Variants in ZBBX observed in about 807,000 individuals in gnomAD.
The protein encoded by ZBBX is zinc finger B-box domain containing, also known as zinc finger B-box domain-containing protein 1.
ZBBX carries 101 observed loss-of-function variants against 108.5 expected under a neutral mutation model. That is an observed-to-expected ratio of 0.93 (90% CI 0.79 to 1.10). The LOEUF is 1.10. ZBBX is among the 50% of genes least tolerant of loss of function. The pLI is 0.00. For missense variants in ZBBX, 1,009 were observed against 941.4 expected (o/e 1.07, Z -0.94); for synonymous variants, 356 against 323.4 (o/e 1.10, Z -1.08).
At chr3:167,279,341 G>A (rs1320096753) in intron 20 of ZBBX, among the ~76,000 whole-genome samples, 1 of 151,562 alleles carries the variant, frequency 6.6e-6, no homozygotes, top group Non-Finnish European at 1.5e-5. Context: ...TGTATATCTA[G>A]AAAACCCCAT....
At chr3:167,361,743 T>A (rs2108547044) in intron 6 of ZBBX, among the ~76,000 whole-genome samples, 1 of 152,356 alleles carries the variant, frequency 6.6e-6, no homozygotes, top group South Asian at 2.1e-4. Flanking sequence ...TTTAAATTGC[T>A]AATGTTATAC....
the ZBBX span, among the ~76,000 whole-genome samples, chr3:167,194,896 A>T: frequency 6.6e-6 from 1 of 152,148 alleles, no homozygotes; most frequent in Non-Finnish European, 1.5e-5. Flanking sequence ...GGCTCAGTGT[A>T]TTCTCTTTCA....
the ZBBX span, among the ~76,000 whole-genome samples, chr3:167,204,673 G>T: frequency 3.3e-5 from 5 of 150,012 alleles, no homozygotes; most frequent in Non-Finnish European, 7.4e-5. Context: ...CCAAGTCTTT[G>T]CTATTGTGAA....
At chr3:167,248,144 C>T (rs1721919126) in intron 20 of ZBBX, among the ~76,000 whole-genome samples, 1 of 152,180 alleles carries the variant, frequency 6.6e-6, no homozygotes, top group Non-Finnish European at 1.5e-5. Context: ...CTCAGGGCAC[C>T]TCTTCTTACC....
At chr3:167,348,369 A>AAAGAAAGAAAG (rs759038070) in intron 9 of ZBBX, among the ~76,000 whole-genome samples, 1 of 140,562 alleles carries the variant, frequency 7.1e-6, no homozygotes, top group Non-Finnish European at 1.6e-5. Context: ...AGAAAGAAAG[A>AAAGAAAGAAAG]AAAAAAAGAA....
At chr3:167,351,520 G>A (rs542998839) in intron 8 of ZBBX, among the ~76,000 whole-genome samples, 189 of 152,270 alleles carry the variant, frequency 1.2e-3, no homozygotes, top group Admixed American at 3.1e-3. Context: ...TGGACCCAGG[G>A]AAGGAGTAAG....
chr3:167,367,230 C>T (rs77139449), intron 5 of ZBBX, among the ~76,000 whole-genome samples: 2 of 151,768 alleles, frequency 1.3e-5, no homozygotes, highest in African/African-American at 4.8e-5. Flanking sequence ...GAACTTTTGA[C>T]ACCTATTTGG....
intron 9 of ZBBX, among the ~76,000 whole-genome samples, chr3:167,343,870 A>G (rs1448440198): frequency 2.0e-5 from 3 of 151,970 alleles, no homozygotes; most frequent in African/African-American, 7.2e-5. Flanking sequence ...ACCAGTAGGT[A>G]TCTAGCCAAG....
intron 1 of ZBBX, among the ~76,000 whole-genome samples, chr3:167,389,701 G>A (rs766495331): frequency 1.3e-5 from 2 of 152,058 alleles, no homozygotes; most frequent in Non-Finnish European, 2.9e-5. Flanking sequence ...TCTCATTGTG[G>A]TTTTGATTTG....
intron 8 of ZBBX, among the ~76,000 whole-genome samples, chr3:167,355,947 T>C (rs1743495446): frequency 6.6e-6 from 1 of 152,094 alleles, no homozygotes; most frequent in African/African-American, 2.4e-5. Flanking sequence ...AGGCACCTGC[T>C]GCTTATCTTG....
chr3:167,346,044 T>C (rs1013080941), intron 9 of ZBBX, among the ~76,000 whole-genome samples: 1 of 151,872 alleles, frequency 6.6e-6, no homozygotes. Context: ...TCCCTCATCT[T>C]CTATTCTCTC....
chr3:167,369,595 A>C (rs1474304421), intron 4 of ZBBX, among the ~76,000 whole-genome samples: 1 of 152,234 alleles, frequency 6.6e-6, no homozygotes, highest in African/African-American at 2.4e-5. Flanking sequence ...TACTACCTCA[A>C]ACAAACACTG....
chr3:167,209,176 T>C, the ZBBX span, among the ~76,000 whole-genome samples: 1 of 148,106 alleles, frequency 6.8e-6, no homozygotes, highest in African/African-American at 2.4e-5. Context: ...TTCCTAAGGT[T>C]TCTGACTTCA....
In ZBBX at chr3:167,268,645, C is replaced by A. The variant is rs928263467; in HGVS notation, c.2254+13593G>T. Among the ~76,000 whole-genome samples, 5 of 152,064 alleles carry A rather than the reference C, an allele frequency of 3.3e-5. No homozygotes were observed. In the East Asian group the frequency reaches 7.7e-4, roughly 24 times the overall value. ...AATATTCAGGCCTAAACTTAGAAGA[C>A]CCCCTTGGACAAGGAATGTTAAAAC... On this transcript the variant is annotated intron_variant, in intron 20 of 21. Coordinates refer to ENST00000675490, the MANE Select transcript of ZBBX (RefSeq NM_001199201.2).
chr3:167,368,335 G>GT (rs1237967952), intron 5 of ZBBX, 126 bp downstream of exon 5: 1 of 695,898 alleles, frequency 1.4e-6, no homozygotes, highest in Non-Finnish European at 2.3e-6. Context: ...GCTATTGCTC[G>GT]TTCATCAGGA....
chr3:167,296,871 C>A (rs903215258), intron 18 of ZBBX, among the ~76,000 whole-genome samples: 9 of 151,816 alleles, frequency 5.9e-5, no homozygotes. Flanking sequence ...AATAAAAAAA[C>A]CCATCATAAA....
intron 20 of ZBBX, among the ~76,000 whole-genome samples, chr3:167,260,391 C>T (rs530802871): frequency 1.7e-4 from 26 of 152,220 alleles, no homozygotes; most frequent in African/African-American, 3.1e-4. Context: ...CTAGGAAGGC[C>T]GGGAAGTTTT....
the ZBBX span, among the ~76,000 whole-genome samples, chr3:167,225,117 G>A: frequency 1.3e-4 from 19 of 151,812 alleles, no homozygotes; most frequent in African/African-American, 4.6e-4. Context: ...CAACAAGTTA[G>A]AGAAACTGTG....
In ZBBX at chr3:167,305,827, T is replaced by C; in HGVS notation, c.1541A>G (p.Glu514Gly). 6.2e-7 allele frequency: 1 copy of C among 1,612,208 alleles called. No individual in the cohort carries two copies. The highest frequency in any genetic ancestry group is 8.5e-7 in the Non-Finnish European group (1 of 1,179,156). Reference protein sequence around the residue: ...RNLKEKNIGLESNQKSDDSCV... With the variant: ...RNLKEKNIGLGSNQKSDDSCV... Reference sequence around the variant, plus strand: ...GGAATCATCAGACTTTTGATTACTTTCTAAACCTATATTTTTCTCCTTTAA... The same window carrying C: ...GGAATCATCAGACTTTTGATTACTTCCTAAACCTATATTTTTCTCCTTTAA... Residue 514 changes from glutamate to glycine, a missense_variant, in exon 17 of 22, where the codon GAA becomes GGA. Physicochemically the swap from Glu to Gly is moderately conservative, Grantham distance 98. Coordinates refer to ENST00000675490, the MANE Select transcript of ZBBX (RefSeq NM_001199201.2).
Sources: allele counts gnomAD v4.1 joint callset (sites outside exome capture counted in the v4.1 genomes callset), GRCh38; gene constraint gnomAD v4.1.1; transcripts MANE v1.5; gene names NCBI Gene and HGNC (gene_info 2026-07-23, HGNC 2026-07-21).